Variants in REDIC1 observed in about 807,000 individuals in gnomAD.
The protein encoded by REDIC1 is HEI10 Interacting Protein 1.
chr12:39,758,702 A>ATT, the REDIC1 span: 1 of 152,056 alleles, frequency 6.6e-6, no homozygotes, highest in East Asian at 1.9e-4. Flanking sequence ...ATTAGAACCA[A>ATT]TTATCTGTTC....
At chr12:39,646,617 A>G in the REDIC1 span, among the ~76,000 whole-genome samples, 2 of 151,892 alleles carry the variant, frequency 1.3e-5, no homozygotes, top group South Asian at 4.1e-4. Flanking sequence ...ACCTTCATCA[A>G]ATGATCCAGA....
chr12:39,900,464 T>C, the REDIC1 span, among the ~76,000 whole-genome samples: 2 of 150,792 alleles, frequency 1.3e-5, no homozygotes, highest in Non-Finnish European at 2.9e-5. Flanking sequence ...AAAATCTCCT[T>C]AAGCTGATAA....
the REDIC1 span, among the ~76,000 whole-genome samples, chr12:39,731,405 C>T: frequency 6.6e-6 from 1 of 152,096 alleles, no homozygotes; most frequent in Non-Finnish European, 1.5e-5. Flanking sequence ...TCTAACAGGC[C>T]CCTCTGCTGC....
the REDIC1 span, among the ~76,000 whole-genome samples, chr12:39,860,216 C>CT: frequency 3.3e-5 from 5 of 152,122 alleles, no homozygotes; most frequent in Admixed American, 6.5e-5. Flanking sequence ...AGTAAGGAAA[C>CT]TAAGTAAGAT....
chr12:39,851,842 CTG>C, the REDIC1 span, among the ~76,000 whole-genome samples: 24 of 152,156 alleles, frequency 1.6e-4, no homozygotes, highest in African/African-American at 5.1e-4. Context: ...ATCTATTTCC[CTG>C]TGTCAAGAAT....
chr12:39,662,764 G>C, the REDIC1 span, among the ~76,000 whole-genome samples: 1 of 152,046 alleles, frequency 6.6e-6, no homozygotes, highest in Non-Finnish European at 1.5e-5. Flanking sequence ...CTGTGGGCTT[G>C]TCATAGATGA....
chr12:39,725,382 T>C, the REDIC1 span, among the ~76,000 whole-genome samples: 6 of 152,294 alleles, frequency 3.9e-5, no homozygotes, highest in South Asian at 6.2e-4. Context: ...GTGCTTTCTC[T>C]TTGACTGTAG....
chr12:39,719,690 A>G, the REDIC1 span, among the ~76,000 whole-genome samples: 1 of 152,166 alleles, frequency 6.6e-6, no homozygotes, highest in African/African-American at 2.4e-5. Flanking sequence ...AAACAGTTCA[A>G]TTCTCTGAAA....
the REDIC1 span, among the ~76,000 whole-genome samples, chr12:39,751,565 G>T: frequency 6.6e-6 from 1 of 152,164 alleles, no homozygotes; most frequent in Non-Finnish European, 1.5e-5. Context: ...TATACCCAAA[G>T]AATTATAAAT....
At chr12:39,712,484 G>T in the REDIC1 span, among the ~76,000 whole-genome samples, 3 of 137,980 alleles carry the variant, frequency 2.2e-5, no homozygotes, top group Admixed American at 7.2e-5. Flanking sequence ...ATACATACAG[G>T]TATATATACG....
the REDIC1 span, among the ~76,000 whole-genome samples, chr12:39,893,353 A>G: frequency 0.99 from 150,888 of 152,354 alleles, 74,741 homozygotes; most frequent in East Asian, 1. Context: ...AGGCTGGAGC[A>G]CAGTGGTGCA....
the REDIC1 span, among the ~76,000 whole-genome samples, chr12:39,803,204 CAA>C: frequency 5.0e-4 from 37 of 73,676 alleles, no homozygotes; most frequent in Admixed American, 7.2e-4. Context: ...GAAGCAAATG[CAA>C]AAAAAAAAAA....
the REDIC1 span, among the ~76,000 whole-genome samples, chr12:39,645,706 G>T: frequency 1.3e-5 from 2 of 152,062 alleles, no homozygotes; most frequent in South Asian, 2.1e-4. Context: ...ACGATTATTG[G>T]TTCACCTTTA....
chr12:39,704,231 A>T, the REDIC1 span, among the ~76,000 whole-genome samples: 1 of 152,222 alleles, frequency 6.6e-6, no homozygotes, highest in African/African-American at 2.4e-5. Flanking sequence ...TTACAAGAAA[A>T]AAAAACAACC....
At chr12:39,903,178 G>T in the REDIC1 span, among the ~76,000 whole-genome samples, 3 of 152,096 alleles carry the variant, frequency 2.0e-5, no homozygotes, top group Admixed American at 6.6e-5. Context: ...AATCTGAATA[G>T]CATTATGAAC....
chr12:39,742,811 C>T, the REDIC1 span, among the ~76,000 whole-genome samples: 1 of 152,128 alleles, frequency 6.6e-6, no homozygotes, highest in Non-Finnish European at 1.5e-5. Context: ...AGCAAGGTGA[C>T]AGGAAAATTG....
chr12:39,724,353 C>T, the REDIC1 span, among the ~76,000 whole-genome samples: 1 of 152,098 alleles, frequency 6.6e-6, no homozygotes, highest in Non-Finnish European at 1.5e-5. Context: ...GCAGTAGGTC[C>T]TGGGAATCTG....
the REDIC1 span, among the ~76,000 whole-genome samples, chr12:39,670,777 A>G: frequency 1.4e-5 from 2 of 143,652 alleles, no homozygotes; most frequent in Non-Finnish European, 3.0e-5. Context: ...TGACTGGGTT[A>G]TTTTGAAAGA....
the REDIC1 span, among the ~76,000 whole-genome samples, chr12:39,777,359 A>T: frequency 6.6e-6 from 1 of 152,130 alleles, no homozygotes; most frequent in Admixed American, 6.5e-5. Flanking sequence ...ATTTAGATGA[A>T]GGTCATCAAA....
Sources: gnomAD v4.1 joint callset for allele counts (sites outside exome capture counted in the v4.1 genomes callset) on GRCh38, gnomAD v4.1.1 for gene constraint, MANE v1.5 for transcripts, NCBI Gene and HGNC (gene_info 2026-07-23, HGNC 2026-07-21) for gene names.